UTP20: variants seen among roughly 807,000 people sequenced by gnomAD.
UTP20 encodes the protein UTP20 small subunit processome component.
In UTP20, 164 loss-of-function variants were observed where a neutral mutation model predicts 329.5. That is an observed-to-expected ratio of 0.50 (90% CI 0.44 to 0.57). UTP20 has a LOEUF of 0.57. Among genes scored for constraint, UTP20 ranks in the 20% least tolerant of loss-of-function variants. The probability of loss-of-function intolerance (pLI) is 0.00; values close to 1 mark genes in which losing one functional copy is unlikely to be tolerated. For synonymous variants in UTP20, 1,151 were observed against 1,159.3 expected (o/e 0.99, Z 0.14); for missense variants, 3,055 against 3,284.2 (o/e 0.93, Z 1.71).
intron 12 of UTP20, 87 bp from the exon 13 acceptor site, chr12:101,299,595 T>C: frequency 1.5e-6 from 2 of 1,305,298 alleles, no homozygotes; most frequent in Non-Finnish European, 2.1e-6. Context: ...TGCTCCACAA[T>C]GGTAAGAATC....
chr12:101,380,363 C>T (rs558585072), intron 57 of UTP20, among the ~76,000 whole-genome samples: 2 of 151,386 alleles, frequency 1.3e-5, no homozygotes, highest in African/African-American at 2.4e-5. Context: ...TGGGCAAGAC[C>T]GAGATCTTAT....
At chr12:101,296,973 C>G (rs777016576) in intron 12 of UTP20, among the ~76,000 whole-genome samples, 2 of 152,066 alleles carry the variant, frequency 1.3e-5, no homozygotes, top group Admixed American at 6.5e-5. Context: ...GTTCCCTTGT[C>G]ATTCCTTTGT....
At position 101,353,140 on chromosome 12, in the gene UTP20, T is replaced by C; in HGVS notation, c.5107+11T>C. The C allele has an allele frequency of 6.6e-7, 1 of 1,525,638 alleles. No individual in the cohort carries two copies. The highest frequency in any genetic ancestry group is 9.0e-7 in the Non-Finnish European group (1 of 1,106,720). The allele number at this position is 1,525,638 out of a possible 1,614,324, so 94.5% of individuals were successfully genotyped here. A position where few individuals can be genotyped will look rare whatever the true frequency, so the allele number is the denominator to read the frequency against. ...TTGAGAATGAAGAAAGTAAGTTTCT[T>C]AAACTTTCTTAAACAAGATTTTCAT... is the stretch of plus-strand genomic sequence containing the variant. On this transcript the variant is annotated intron_variant, in intron 40 of 61. Transcript: ENST00000261637.
At chr12:101,376,948 A>T (rs1447758271) in intron 56 of UTP20, among the ~76,000 whole-genome samples, 1 of 151,632 alleles carries the variant, frequency 6.6e-6, no homozygotes, top group East Asian at 1.9e-4. Flanking sequence ...ACACCCGGCC[A>T]ATTTTTGTAT....
intron 59 of UTP20, 99 bp from the exon 60 acceptor site, chr12:101,383,444 C>G: frequency 6.6e-7 from 1 of 1,521,606 alleles, no homozygotes; most frequent in Non-Finnish European, 8.9e-7. Flanking sequence ...AACATCCGTC[C>G]CAAAATAGAC....
chr12:101,369,390 G>A (rs1182177236), intron 48 of UTP20, among the ~76,000 whole-genome samples: 1 of 152,220 alleles, frequency 6.6e-6, no homozygotes, highest in Non-Finnish European at 1.5e-5. Flanking sequence ...GCTGAGGCAG[G>A]AGGATTGCTT....
At position 101,379,352 on chromosome 12, in the gene UTP20, T is replaced by G; in HGVS notation, c.7397-19T>G. The G allele has an allele frequency of 6.4e-7, 1 of 1,569,894 alleles. No individual in the cohort carries two copies. The highest frequency in any genetic ancestry group is 1.2e-5 in the South Asian group (1 of 85,300). On this transcript the variant is annotated intron_variant, in intron 56 of 61. Transcript: ENST00000261637. The stretch of plus-strand genomic sequence containing the variant: ...AGGAAGGCCATGTGACATCCACAAA[T>G]GCTTTTTGGTTCCCTTAGGTCATGT...
At chr12:101,380,495 G>C (rs7302614) in intron 57 of UTP20, among the ~76,000 whole-genome samples, 28,755 of 152,030 alleles carry the variant, frequency 0.19, 4,720 homozygotes, top group East Asian at 0.47. Context: ...CATAAATATT[G>C]AATGAGTGGA....
Position 101,385,626 on chromosome 12 carries a change from C to A in UTP20, c.8100C>A (p.Leu2700=), listed in dbSNP as rs753608936. The A allele has an allele frequency of 6.2e-7, 1 of 1,613,744 alleles. No individual in the cohort carries two copies. The highest frequency in any genetic ancestry group is 8.5e-7 in the Non-Finnish European group (1 of 1,179,972). ...TATCCCAGGAAATCATAGAATTACT[C>A]AAAAAGCTGGTTGGGCTTGAGAGCT... ...KNLSQEIIEL[L]KKLVGLESFS... The change falls in exon 61 of 62, where the codon CTC becomes CTA. Residue 2700 remains leucine (L), a synonymous_variant. Transcript: ENST00000261637.
At position 101,299,688 on chromosome 12, in the gene UTP20, T is replaced by C. The variant is rs533380316; in HGVS notation, c.1437T>C (p.Tyr479=). ...LVFSPQMVGF[Y]IKQKKTRSKG... Reference sequence around the variant, plus strand: ...ATTTTTTTTAATCCTTCAGATTCTATATAAAGCAGAAGAAGACTAGATCCA... The same window carrying C: ...ATTTTTTTTAATCCTTCAGATTCTACATAAAGCAGAAGAAGACTAGATCCA... Residue 479 remains tyrosine (Y), a synonymous_variant, in exon 13 of 62, where the codon TAT becomes TAC. Coordinates refer to ENST00000261637, the MANE Select transcript of UTP20 (RefSeq NM_014503.3). The C allele has an allele frequency of 2.5e-6, 4 of 1,586,556 alleles. No homozygotes were observed. The South Asian group carries it at 3.5e-5, about 14-fold the overall frequency.
intron 38 of UTP20, among the ~76,000 whole-genome samples, chr12:101,347,519 T>G (rs992201018): frequency 6.6e-6 from 1 of 151,468 alleles, no homozygotes; most frequent in African/African-American, 2.4e-5. Context: ...CGAGACTATT[T>G]GAAAAAAAAA....
At chr12:101,319,743 C>A in intron 23 of UTP20, 108 bp downstream of exon 23, 2 of 836,648 alleles carry the variant, frequency 2.4e-6, no homozygotes, top group Non-Finnish European at 1.8e-6. Context: ...GGGCCCATGT[C>A]TACATTTTAA....
Position 101,289,032 on chromosome 12 carries a change from G to A in UTP20, c.588G>A (p.Leu196=), listed in dbSNP as rs750927105. 14 of 1,611,444 alleles carry A rather than the reference G, an allele frequency of 8.7e-6. No individual in the cohort carries two copies. The South Asian group carries it at 1.5e-4, about 18-fold the overall frequency. Residue 196 remains leucine, a synonymous_variant, in exon 6 of 62, where the codon TTG becomes TTA. Transcript: ENST00000261637. The part of the protein sequence containing the change: ...RNFAAESFTF[L]MRKVSDKNAL... ...TTGCTGCTGAAAGTTTTACTTTTTT[G>A]ATGAGAAAGGTTAGTCTGGTATTTT...
rs968642068 is a variant in UTP20, at chr12:101,327,175, G to T, written c.3136G>T (p.Ala1046Ser). The change falls in exon 26 of 62, where the codon GCC (alanine) becomes TCC (serine). Residue 1046 changes from alanine to serine, a missense_variant. Ala to Ser is a moderately conservative substitution (Grantham distance 99). Transcript: ENST00000261637. ...CATGGCCATTGTCCTGCGGTTCCTG[G>T]CCGGGACCCAACCTGAGGAGATCCA... Reference protein sequence around the residue: ...TRMAIVLRFLAGTQPEEIQIF... With the variant: ...TRMAIVLRFLSGTQPEEIQIF... The T allele has an allele frequency of 1.9e-5, 30 of 1,612,910 alleles. No individual in the cohort carries two copies. The highest frequency in any genetic ancestry group is 1.0e-4 in the Admixed American group (6 of 59,980).
At chr12:101,383,986 G>C (rs2121071441) in intron 60 of UTP20, among the ~76,000 whole-genome samples, 1 of 151,620 alleles carries the variant, frequency 6.6e-6, no homozygotes, top group East Asian at 1.9e-4. Flanking sequence ...CTATAGAAGT[G>C]AGCTACTGTA....
chr12:101,317,371 C>T (rs1873004318), intron 21 of UTP20, 107 bp from the exon 22 acceptor site: 2 of 1,217,926 alleles, frequency 1.6e-6, no homozygotes, highest in Admixed American at 4.8e-5. Context: ...TATGTCTCTT[C>T]AGTGTGTGAT....
In UTP20 at chr12:101,366,711, C is replaced by G. The variant is rs1458209395; in HGVS notation, c.6267+12C>G. 1 of 1,609,590 alleles carries G rather than the reference C, an allele frequency of 6.2e-7. No homozygotes were observed. The highest frequency in any genetic ancestry group is 8.5e-7 in the Non-Finnish European group (1 of 1,177,174). ...AGTCCGGGCTTCGGGTAAGAATTAA[C>G]CTTAAAATGAGACTTGCTACTTTCA... On this transcript the variant is annotated intron_variant, in intron 47 of 61. Transcript: ENST00000261637.
intron 27 of UTP20, 136 bp from the exon 28 acceptor site, chr12:101,333,165 G>A (rs1868815192): frequency 1.2e-6 from 1 of 824,734 alleles, no homozygotes; most frequent in Non-Finnish European, 1.8e-6. Context: ...GTGTTCCCAT[G>A]TAAATCAAGT....
intron 21 of UTP20, among the ~76,000 whole-genome samples, chr12:101,316,752 G>C (rs1872984316): frequency 6.6e-6 from 1 of 152,172 alleles, no homozygotes; most frequent in Non-Finnish European, 1.5e-5. Flanking sequence ...TTAATTGTTT[G>C]GGTGAGTGAA....
Sources: gnomAD v4.1 joint callset for allele counts (sites outside exome capture counted in the v4.1 genomes callset) on GRCh38, gnomAD v4.1.1 for gene constraint, MANE v1.5 for transcripts, NCBI Gene and HGNC (gene_info 2026-07-23, HGNC 2026-07-21) for gene names.